Variants in MSI2 observed in about 807,000 individuals in gnomAD.
MSI2 encodes the protein musashi RNA binding protein 2, also known as RNA-binding protein Musashi homolog 2.
MSI2 carries 17 observed loss-of-function variants against 45.6 expected under a neutral mutation model. The ratio of observed to expected loss-of-function variants is 0.37; its 90% confidence interval spans 0.26 to 0.56. The LOEUF (loss-of-function observed/expected upper bound fraction) is 0.56. Ranked by LOEUF, MSI2 falls within the 20% of genes least tolerant of loss-of-function variation. The probability of loss-of-function intolerance (pLI) is 0.77; values close to 1 mark genes in which losing one functional copy is unlikely to be tolerated. For synonymous variants in MSI2, 156 were observed against 158.2 expected, an observed-to-expected ratio of 0.99 and a Z score of 0.11; for missense variants, 293 against 444.2, an observed-to-expected ratio of 0.66 and a Z score of 3.06.
intron 11 of MSI2, among the ~76,000 whole-genome samples, chr17:57,662,753 A>G (rs1284908169): frequency 5.9e-5 from 9 of 152,212 alleles, no homozygotes; most frequent in Non-Finnish European, 1.5e-5. Flanking sequence ...ATCATTTACG[A>G]GTGGCCTCAG....
chr17:57,495,394 A>G (rs564350016), intron 6 of MSI2, among the ~76,000 whole-genome samples: 1 of 151,954 alleles, frequency 6.6e-6, no homozygotes, highest in Non-Finnish European at 1.5e-5. Flanking sequence ...TCAGCCGGGC[A>G]TGGTGGTGCA....
intron 2 of MSI2, 88 bp downstream of exon 2, chr17:57,257,226 C>T (rs964524676): frequency 3.7e-6 from 2 of 538,126 alleles, no homozygotes; most frequent in Non-Finnish European, 5.9e-6. Flanking sequence ...GCCCCCCCCC[C>T]CCCGCCATTG....
In MSI2 at chr17:57,596,994, C is replaced by T. The variant is rs973562892; in HGVS notation, c.537+44C>T. The stretch of plus-strand genomic sequence containing the variant: ...CGCTGAAATGGAATGCCCCCTTTCT[C>T]TACGTACACACCCAGTCTTGCAGAC... On this transcript the variant is annotated intron_variant, in intron 8 of 13. Transcript: ENST00000284073. The surrounding 1 kb of genome is among the most constrained non-coding windows in gnomAD (Gnocchi z 4.6). 1.5e-6 allele frequency: 2 copies of T among 1,371,160 alleles called. No individual in the cohort carries two copies. The highest frequency in any genetic ancestry group is 3.4e-5 in the Admixed American group (2 of 59,668). The allele number at this position is 1,371,160 out of a possible 1,614,324, so 84.9% of individuals were successfully genotyped here.
intron 5 of MSI2, among the ~76,000 whole-genome samples, chr17:57,321,450 G>A (rs970377833): frequency 6.6e-6 from 1 of 152,286 alleles, no homozygotes; most frequent in East Asian, 1.9e-4. Flanking sequence ...TGATATCCTA[G>A]CACTCTAGCC....
chr17:57,262,272 A>T, intron 5 of MSI2, 80 bp downstream of exon 5: 2 of 1,476,292 alleles, frequency 1.4e-6, no homozygotes, highest in South Asian at 2.3e-5. Flanking sequence ...AGCATTGGCC[A>T]TGAACTGTTG....
chr17:57,362,124 G>A (rs865862502), intron 5 of MSI2, among the ~76,000 whole-genome samples: 1 of 152,186 alleles, frequency 6.6e-6, no homozygotes, highest in South Asian at 2.1e-4. Context: ...TGAATGGCTC[G>A]TGGAACTGCA....
rs547275911 is a variant in MSI2, at chr17:57,528,476, G to A, written c.406-1200G>A. The stretch of plus-strand genomic sequence containing the variant: ...GAGGACGCCTTTGCTATTTTATTAT[G>A]TTCTTCTCTTTGATGTTTTTAAAAA... On this transcript the variant is annotated intron_variant, in intron 6 of 13. Coordinates refer to ENST00000284073, the MANE Select transcript of MSI2 (RefSeq NM_138962.4). Among the ~76,000 whole-genome samples the A allele has an allele frequency of 4.6e-5, 7 of 152,274 alleles. No individual in the cohort carries two copies. In the South Asian group the frequency reaches 1.0e-3, roughly 23 times the overall value.
chr17:57,580,565 G>T (rs555227413), intron 7 of MSI2, among the ~76,000 whole-genome samples: 1 of 152,194 alleles, frequency 6.6e-6, no homozygotes, highest in African/African-American at 2.4e-5. Flanking sequence ...GGCTTCATTA[G>T]TAAGCGTGAA....
intron 6 of MSI2, among the ~76,000 whole-genome samples, chr17:57,516,988 A>G (rs1430169330): frequency 1.3e-5 from 2 of 152,220 alleles, no homozygotes; most frequent in African/African-American, 4.8e-5. Context: ...TCCTCCCTGA[A>G]CAAGAAGTAA....
Position 57,681,682 on chromosome 17 carries a change from T to C in MSI2, c.*2165T>C. 1 of 190,762 alleles carries C rather than the reference T, an allele frequency of 5.2e-6. No homozygotes were observed. Among genetic ancestry groups the C allele is most frequent in the East Asian group, 8.3e-5 (1 of 12,008 alleles). 11.8% of individuals were successfully genotyped at this position (190,762 alleles called of 1,614,324 possible). A position where few individuals can be genotyped will look rare whatever the true frequency, so the allele number is the denominator to read the frequency against. On this transcript the variant is annotated 3_prime_UTR_variant, in exon 14 of 14. Transcript: ENST00000284073. Reference sequence around the variant, plus strand: ...GTTTTTCTAATAAAATGTTAGGTTGTTTGGTGAGGTTTTTTTGTTGTTTTT... The same window carrying C: ...GTTTTTCTAATAAAATGTTAGGTTGCTTGGTGAGGTTTTTTTGTTGTTTTT...
At chr17:57,578,890 C>T (rs919499892) in intron 7 of MSI2, among the ~76,000 whole-genome samples, 1 of 152,076 alleles carries the variant, frequency 6.6e-6, no homozygotes, top group African/African-American at 2.4e-5. Context: ...ATCTTTTCAG[C>T]CCAGGTACAT....
At chr17:57,341,270 C>T (rs1915125479) in intron 5 of MSI2, among the ~76,000 whole-genome samples, 1 of 152,174 alleles carries the variant, frequency 6.6e-6, no homozygotes, top group East Asian at 1.9e-4. Context: ...TTATCCAGCT[C>T]GCAGTGGTGT....
chr17:57,320,321 C>G (rs1913227528), intron 5 of MSI2, among the ~76,000 whole-genome samples: 1 of 152,054 alleles, frequency 6.6e-6, no homozygotes, highest in Non-Finnish European at 1.5e-5. Flanking sequence ...CAGGGATGGT[C>G]TGCTTTTTGC....
intron 8 of MSI2, among the ~76,000 whole-genome samples, chr17:57,607,164 T>A (rs983964219): frequency 6.6e-6 from 1 of 152,244 alleles, no homozygotes; most frequent in African/African-American, 2.4e-5. Flanking sequence ...TATGTGTATA[T>A]GTTATGTAAT....
intron 7 of MSI2, among the ~76,000 whole-genome samples, chr17:57,579,332 C>T (rs577099732): frequency 2.0e-5 from 3 of 152,160 alleles, no homozygotes; most frequent in East Asian, 1.9e-4. Flanking sequence ...TGCTGTCGCT[C>T]GGTTGCCTTC....
chr17:57,475,900 G>A (rs1008674219), intron 6 of MSI2, among the ~76,000 whole-genome samples: 9 of 152,140 alleles, frequency 5.9e-5, no homozygotes, highest in African/African-American at 2.2e-4. Context: ...CCAATCTCTC[G>A]TCCTCCCCCA....
At chr17:57,412,188 C>T (rs917032300) in intron 6 of MSI2, among the ~76,000 whole-genome samples, 1 of 151,766 alleles carries the variant, frequency 6.6e-6, no homozygotes, top group African/African-American at 2.4e-5. Context: ...CAGGCGTGTG[C>T]CACCACGCCT....
At chr17:57,293,595 G>GTTTTTTTTTTTTTTT (rs71139983) in intron 5 of MSI2, among the ~76,000 whole-genome samples, 4 of 134,714 alleles carry the variant, frequency 3.0e-5, no homozygotes, top group African/African-American at 3.0e-5. Context: ...TTGTTTTTTT[G>GTTTTTTTTTTTTTTT]TTTTTTTTTT....
rs1290079139 is a variant in MSI2 at position 57,507,237 on chromosome 17, G to C, written c.406-22439G>C. Among the ~76,000 whole-genome samples the C allele has an allele frequency of 3.4e-3, 342 of 99,774 alleles. 14 individuals are homozygous for C. The highest frequency in any genetic ancestry group is 0.015 in the African/African-American group (326 of 22,034). The allele number at this position is 99,774 out of a possible 152,430, so 65.5% of individuals were successfully genotyped here. On this transcript the variant is annotated intron_variant, in intron 6 of 13. Coordinates refer to ENST00000284073, the MANE Select transcript of MSI2 (RefSeq NM_138962.4). ...TGTCTTTGTCTCTCTGTGTGTGTGT[G>C]TGTGTGTGTGTGTGTGTGTGTGTGT...
Sources: allele counts gnomAD v4.1 joint callset (sites outside exome capture counted in the v4.1 genomes callset), GRCh38; gene constraint gnomAD v4.1.1; non-coding constraint Gnocchi (gnomAD v3.1); transcripts MANE v1.5; gene names NCBI Gene and HGNC (gene_info 2026-07-23, HGNC 2026-07-21).